Variants in UNC79 observed in about 807,000 individuals in gnomAD.
The protein encoded by UNC79 is protein unc-79 homolog.
In UNC79, 37 loss-of-function variants were observed where a neutral mutation model predicts 283.1. The observed-to-expected ratio is 0.13, with a 90% CI of 0.10 to 0.17. The LOEUF (loss-of-function observed/expected upper bound fraction) is 0.17, where lower values mean the gene tolerates loss of function less well. Ranked by LOEUF, UNC79 falls within the 10% of genes least tolerant of loss-of-function variation. UNC79 has a pLI of 1.00. For synonymous variants in UNC79, 1,107 were observed against 1,200.2 expected, an observed-to-expected ratio of 0.92 and a Z score of 1.61; for missense variants, 2,272 against 3,211.1, an observed-to-expected ratio of 0.71 and a Z score of 7.07.
At chr14:93,615,041 A>G (rs1225460635) in intron 27 of UNC79, among the ~76,000 whole-genome samples, 1 of 152,200 alleles carries the variant, frequency 6.6e-6, no homozygotes, top group Non-Finnish European at 1.5e-5. Context: ...ACTTGGGGCT[A>G]CAGAGATGTG....
At chr14:93,634,427 T>A in intron 31 of UNC79, 94 bp from the exon 34 acceptor site, 1 of 916,724 alleles carries the variant, frequency 1.1e-6, no homozygotes, top group African/African-American at 1.7e-5. Context: ...GAATAGCAAA[T>A]GAAGGGTCAA....
intron 1 of UNC79, among the ~76,000 whole-genome samples, chr14:93,423,060 C>G (rs2055635072): frequency 2.5e-5 from 1 of 39,818 alleles, no homozygotes; most frequent in African/African-American, 1.5e-4. Context: ...GAGACTCTGT[C>G]TCAAAAAAAA....
chr14:93,407,650 C>T (rs1402367853), intron 1 of UNC79, among the ~76,000 whole-genome samples: 4 of 151,958 alleles, frequency 2.6e-5, no homozygotes, highest in African/African-American at 9.7e-5. Context: ...CTAGTTTTTC[C>T]GTCTCACAGA....
chr14:93,347,188 C>G, intron 1 of UNC79: 29 of 1,474,172 alleles, frequency 2.0e-5, no homozygotes, highest in Non-Finnish European at 2.6e-5. Flanking sequence ...AACCAGCTGC[C>G]TCACGAGCAC....
exon 31 of UNC79, chr14:93,630,880 G>T (rs778028999): frequency 5.0e-6 from 8 of 1,613,928 alleles, no homozygotes; most frequent in Non-Finnish European, 6.8e-6. Context: ...CAGGTGTGCC[G>T]GAAACAAGTA....
chr14:93,559,560 G>A lies in UNC79; in HGVS notation c.1756-12334G>A, dbSNP rs532552280. ...TAGGTAGTGGAAAATTACAGTCAAA[G>A]GGGTTGTTCTCTGGCTGGCAGGGGT... On this transcript the variant is annotated intron_variant, in intron 14 of 48. Coordinates refer to ENST00000555664, the Ensembl canonical transcript of UNC79. 3.5e-4 allele frequency among the ~76,000 whole-genome samples: 54 copies of A among 152,276 alleles called. 2 individuals carry two copies. The South Asian group carries it at 0.011, about 32-fold the overall frequency.
intron 1 of UNC79, among the ~76,000 whole-genome samples, chr14:93,367,818 GA>G (rs2139957906): frequency 6.6e-6 from 1 of 152,248 alleles, no homozygotes; most frequent in Admixed American, 6.5e-5. Context: ...TCTGACTTGA[GA>G]AAAAGTGACC....
At chr14:93,498,926 T>G (rs2140646231) in intron 7 of UNC79, among the ~76,000 whole-genome samples, 1 of 152,334 alleles carries the variant, frequency 6.6e-6, no homozygotes, top group South Asian at 2.1e-4. Context: ...CTCCAAGTTA[T>G]TGTAGGATTG....
intron 1 of UNC79, among the ~76,000 whole-genome samples, chr14:93,370,956 T>C (rs1015626163): frequency 6.6e-6 from 1 of 152,016 alleles, no homozygotes; most frequent in African/African-American, 2.4e-5. Flanking sequence ...AGAAGAATTA[T>C]TTGAAAAGAT....
chr14:93,624,521 G>A (rs114507457), intron 30 of UNC79, among the ~76,000 whole-genome samples: 1,523 of 152,262 alleles, frequency 0.01, 22 homozygotes, highest in African/African-American at 0.035. Context: ...TAGGTTGCAT[G>A]TAGGTTCTAG....
Position 93,531,950 on chromosome 14 carries a change from G to T in UNC79, c.1094-600G>T, listed in dbSNP as rs539702100. ...TTGATTTCTAAGTCATGTCTGAAAAGATTAAATTATTTGTAAAAGTAGCAG... is the reference window on the plus strand; with the variant it reads ...TTGATTTCTAAGTCATGTCTGAAAATATTAAATTATTTGTAAAAGTAGCAG... On this transcript the variant is annotated intron_variant, in intron 10 of 48. Coordinates refer to ENST00000555664, the Ensembl canonical transcript of UNC79. The surrounding 1 kb of genome is among the most constrained non-coding windows in gnomAD (Gnocchi z 4.2). Among the ~76,000 whole-genome samples the T allele has an allele frequency of 2.7e-4, 41 of 152,258 alleles. No individual in the cohort carries two copies. The highest frequency in any genetic ancestry group is 9.6e-4 in the African/African-American group (40 of 41,544).
intron 15 of UNC79, among the ~76,000 whole-genome samples, chr14:93,572,396 G>T (rs1473009914): frequency 6.6e-6 from 1 of 152,210 alleles, no homozygotes; most frequent in Non-Finnish European, 1.5e-5. Flanking sequence ...AAGGGAAACT[G>T]TTTTAGATGC....
At chr14:93,340,467 A>AAAAGAGTT (rs1555396120) in intron 1 of UNC79, among the ~76,000 whole-genome samples, 9 of 145,552 alleles carry the variant, frequency 6.2e-5, no homozygotes, top group African/African-American at 1.8e-4. Context: ...AAAAAAAAGA[A>AAAAGAGTT]GGCCACCTAT....
intron 47 of UNC79, among the ~76,000 whole-genome samples, chr14:93,695,764 C>A (rs924476799): frequency 2.6e-5 from 4 of 151,666 alleles, no homozygotes; most frequent in African/African-American, 9.7e-5. Flanking sequence ...TGGTGGCACA[C>A]ACTTGTAATC....
chr14:93,386,927 C>CTTTTTTTTTTTTTTTTTT lies in UNC79; in HGVS notation c.-351+53419_-351+53436dup, dbSNP rs35267402. On this transcript the variant is annotated intron_variant, in intron 1 of 49. Coordinates refer to the UNC79 transcript ENST00000256339. The stretch of plus-strand genomic sequence containing the variant: ...TTCATTTCAATTTCATGTATTTCTG[C>CTTTTTTTTTTTTTTTTTT]TTTTTTTTTTTTTTTTTTTTTTTTT... 7.4e-5 allele frequency among the ~76,000 whole-genome samples: 2 copies of CTTTTTTTTTTTTTTTTTT among 27,192 alleles called. 1 individual carries two copies. The highest frequency in any genetic ancestry group is 1.2e-4 in the Non-Finnish European group (2 of 16,382). The allele number at this position is 27,192 out of a possible 152,430, so 17.8% of individuals were successfully genotyped here.
Position 93,673,714 on chromosome 14 carries a change from A to G in UNC79, c.6741+259A>G, listed in dbSNP as rs143634759. 3.3e-5 allele frequency among the ~76,000 whole-genome samples: 5 copies of G among 152,148 alleles called. No individual in the cohort carries two copies. The East Asian group carries it at 9.7e-4, about 30-fold the overall frequency. On this transcript the variant is annotated intron_variant, in intron 41 of 48. Transcript: ENST00000555664. ...GGTTAAAAAGAAGAATAAAACAATA[A>G]TTTTTGTCCCCAAGAAATGCGTGAT...
chr14:93,475,078 A>G (rs10130966), intron 3 of UNC79, among the ~76,000 whole-genome samples: 78,524 of 151,916 alleles, frequency 0.52, 20,833 homozygotes, highest in Admixed American at 0.62. Context: ...TCTTTTCTTA[A>G]CTCTTCCCCC....
intron 1 of UNC79, among the ~76,000 whole-genome samples, chr14:93,378,178 T>G (rs2054598329): frequency 6.6e-6 from 1 of 152,188 alleles, no homozygotes; most frequent in East Asian, 1.9e-4. Flanking sequence ...CCAAATGCTT[T>G]TGTCCTCCTT....
intron 46 of UNC79, 42 bp downstream of exon 49, chr14:93,691,988 A>G (rs1162992849): frequency 1.9e-6 from 3 of 1,593,734 alleles, no homozygotes; most frequent in Non-Finnish European, 2.6e-6. Flanking sequence ...TGGAATCTCA[A>G]AGTGTCCACA....
Sources: gnomAD v4.1 joint callset for allele counts (sites outside exome capture counted in the v4.1 genomes callset) on GRCh38, gnomAD v4.1.1 for gene constraint, Gnocchi (gnomAD v3.1) non-coding constraint, MANE v1.5 for transcripts, NCBI Gene and HGNC (gene_info 2026-07-23, HGNC 2026-07-21) for gene names.